WDPCP: variants seen among roughly 807,000 people sequenced by gnomAD.
WDPCP encodes the protein WD repeat-containing and planar cell polarity effector protein fritz homolog.
A neutral mutation model predicts 93.1 loss-of-function variants in WDPCP; 71 were observed. The ratio of observed to expected loss-of-function variants is 0.76; its 90% CI spans 0.63 to 0.93. WDPCP has a LOEUF of 0.93. Ranked by LOEUF, WDPCP falls within the 40% of genes least tolerant of loss-of-function variation. The pLI, the probability that WDPCP is intolerant of heterozygous loss-of-function variation, is 0.00. For synonymous variants in WDPCP, 315 were observed against 315.0 expected, an observed-to-expected ratio of 1.00 and a Z score of 0.00; for missense variants, 844 against 887.4, an observed-to-expected ratio of 0.95 and a Z score of 0.62.
chr2:63,795,892 T>C (rs1670608060), intron 2 of WDPCP, among the ~76,000 whole-genome samples: 1 of 152,222 alleles, frequency 6.6e-6, no homozygotes, highest in Non-Finnish European at 1.5e-5. Context: ...ATCTTACTTT[T>C]GTTCAGGTAC....
chr2:63,242,994 G>C (rs186528487), intron 14 of WDPCP, among the ~76,000 whole-genome samples: 1 of 152,106 alleles, frequency 6.6e-6, no homozygotes, highest in Admixed American at 6.6e-5. Context: ...CCTGGAACAC[G>C]TCCCAGGATT....
At chr2:63,174,241 T>C (rs1489351469) in intron 15 of WDPCP, among the ~76,000 whole-genome samples, 1 of 152,080 alleles carries the variant, frequency 6.6e-6, no homozygotes, top group African/African-American at 2.4e-5. Flanking sequence ...AATAACCCCA[T>C]GTAGCAAACT....
chr2:63,218,465 A>T (rs936678078), intron 14 of WDPCP, among the ~76,000 whole-genome samples: 1 of 152,116 alleles, frequency 6.6e-6, no homozygotes, highest in Non-Finnish European at 1.5e-5. Context: ...CTTAAAGTTA[A>T]ATTGGATGTT....
At chr2:63,256,190 G>A (rs781181424) in intron 14 of WDPCP, among the ~76,000 whole-genome samples, 18 of 151,924 alleles carry the variant, frequency 1.2e-4, no homozygotes, top group Non-Finnish European at 2.4e-4. Context: ...AGTGAGTCAG[G>A]GTATAAGCTG....
At chr2:63,829,213 C>T (rs570841517), upstream of WDPCP, among the ~76,000 whole-genome samples, 33 of 152,210 alleles carry the variant, frequency 2.2e-4, no homozygotes, top group South Asian at 2.7e-3. Flanking sequence ...ACATTTCACA[C>T]GTTTTACTCA....
intron 13 of WDPCP, among the ~76,000 whole-genome samples, chr2:63,285,044 A>G (rs1025273886): frequency 4.6e-5 from 7 of 152,264 alleles, no homozygotes; most frequent in African/African-American, 1.7e-4. Flanking sequence ...AAAGGTAAAA[A>G]GAAGAAAAGG....
At chr2:63,388,425 A>G (rs1692929125) in intron 10 of WDPCP, among the ~76,000 whole-genome samples, 1 of 152,206 alleles carries the variant, frequency 6.6e-6, no homozygotes, top group Admixed American at 6.5e-5. Context: ...GGTAGATAAA[A>G]CCACAGAGAT....
intron 14 of WDPCP, among the ~76,000 whole-genome samples, chr2:63,243,260 G>A (rs1455499521): frequency 5.3e-5 from 8 of 152,172 alleles, no homozygotes; most frequent in South Asian, 4.1e-4. Flanking sequence ...GTCTCATTGT[G>A]GTTTTGATTT....
chr2:63,473,218 C>A (rs1699790049), intron 6 of WDPCP, among the ~76,000 whole-genome samples: 1 of 152,154 alleles, frequency 6.6e-6, no homozygotes, highest in Non-Finnish European at 1.5e-5. Flanking sequence ...GAAGAATAAT[C>A]TATTTTTCCA....
At chr2:63,523,100 T>C (rs1261895837) in intron 1 of WDPCP, among the ~76,000 whole-genome samples, 1 of 152,188 alleles carries the variant, frequency 6.6e-6, no homozygotes, top group Non-Finnish European at 1.5e-5. Context: ...ATCATAAAGC[T>C]AATCCACCAC....
At chr2:63,351,687 T>G (rs1689626714) in intron 12 of WDPCP, among the ~76,000 whole-genome samples, 1 of 152,154 alleles carries the variant, frequency 6.6e-6, no homozygotes, top group African/African-American at 2.4e-5. Context: ...GGCACATGAG[T>G]GGATTCCATG....
chr2:63,710,963 T>C (rs535596650), intron 2 of WDPCP, among the ~76,000 whole-genome samples: 1 of 152,266 alleles, frequency 6.6e-6, no homozygotes, highest in South Asian at 2.1e-4. Flanking sequence ...AACATCAAGC[T>C]TCTATTTTTG....
intron 3 of WDPCP, among the ~76,000 whole-genome samples, chr2:63,601,133 A>G (rs770720051): frequency 5.3e-5 from 8 of 152,086 alleles, no homozygotes; most frequent in Non-Finnish European, 7.4e-5. Flanking sequence ...GTTCTTTGTT[A>G]CTCCTGGGAC....
chr2:63,183,710 G>C (rs774773849), intron 14 of WDPCP, among the ~76,000 whole-genome samples: 1 of 151,998 alleles, frequency 6.6e-6, no homozygotes, highest in Non-Finnish European at 1.5e-5. Flanking sequence ...TCTGTGAACT[G>C]CTACAGGTAC....
rs2104773411 is a variant in WDPCP at position 63,259,511 on chromosome 2, AAC to A, written c.1813-104_1813-103del. ...CTTATTGTCCAGATTACAAAATAGA[AAC>A]AGTTTGTAAATATTCTTTTCTGTGT... On this transcript the variant is annotated intron_variant, in intron 13 of 17. Transcript: ENST00000272321. 4 of 936,508 alleles carry A rather than the reference AAC, an allele frequency of 4.3e-6. No homozygotes were observed. In the East Asian group the frequency reaches 7.5e-5, roughly 18 times the overall value. 58.0% of individuals were successfully genotyped at this position (936,508 alleles called of 1,614,324 possible).
intron 3 of WDPCP, chr2:63,594,870 T>C: frequency 3.2e-6 from 1 of 311,370 alleles, no homozygotes; most frequent in Non-Finnish European, 6.0e-6. Flanking sequence ...GACAGTAACT[T>C]ACAGTCATGT....
chr2:63,190,341 A>G (rs1208539018), intron 14 of WDPCP, among the ~76,000 whole-genome samples: 1 of 148,982 alleles, frequency 6.7e-6, no homozygotes, highest in African/African-American at 2.5e-5. Flanking sequence ...GCTGAATGGG[A>G]GGAGCACCTG....
intron 2 of WDPCP, among the ~76,000 whole-genome samples, chr2:63,655,373 T>C (rs1710155616): frequency 6.6e-6 from 1 of 152,030 alleles, no homozygotes; most frequent in Admixed American, 6.6e-5. Context: ...AATTCTAGTA[T>C]TACAAACACA....
chr2:63,612,840 C>G lies in WDPCP; in HGVS notation n.488+37819G>C, dbSNP rs538828714. Among the ~76,000 whole-genome samples the G allele has an allele frequency of 2.6e-5, 4 of 151,890 alleles. No individual in the cohort carries two copies. The South Asian group carries it at 8.3e-4, about 32-fold the overall frequency. On this transcript the variant is annotated intron_variant and non_coding_transcript_variant, in intron 3 of 4. Coordinates refer to the WDPCP transcript ENST00000467687. ...TTTTGTCAGTTAGATTTCCAGGGCC[C>G]GAGATGGAGGCTAGGACCTAGGCAG...
Sources: allele counts gnomAD v4.1 joint callset (sites outside exome capture counted in the v4.1 genomes callset), GRCh38; gene constraint gnomAD v4.1.1; transcripts MANE v1.5; gene names NCBI Gene and HGNC (gene_info 2026-07-23, HGNC 2026-07-21).